COL19A1: variants seen among roughly 807,000 people sequenced by gnomAD.
The protein encoded by COL19A1 is collagen type XIX alpha 1 chain.
COL19A1 carries 159 observed loss-of-function variants against 190.2 expected under a neutral mutation model. The observed-to-expected ratio is 0.84, with a 90% CI of 0.73 to 0.95. COL19A1 has a LOEUF of 0.95. COL19A1 is among the 40% of genes least tolerant of loss of function. The pLI is 0.00. For synonymous variants in COL19A1, 509 were observed against 458.9 expected (o/e 1.11, Z -1.39); for missense variants, 1,418 against 1,431.9 (o/e 0.99, Z 0.16).
intron 14 of COL19A1, among the ~76,000 whole-genome samples, chr6:70,048,291 G>A (rs535312556): frequency 1.4e-3 from 213 of 152,214 alleles, no homozygotes; most frequent in African/African-American, 4.9e-3. Flanking sequence ...ATCATATAGT[G>A]TTCACATAAG....
intron 11 of COL19A1, among the ~76,000 whole-genome samples, chr6:70,000,267 A>G (rs1192240523): frequency 6.6e-6 from 1 of 152,214 alleles, no homozygotes; most frequent in African/African-American, 2.4e-5. Context: ...TCAGTCTATC[A>G]TTGATGGGCA....
At chr6:69,941,028 A>G (rs1773433678) in intron 9 of COL19A1, among the ~76,000 whole-genome samples, 1 of 152,198 alleles carries the variant, frequency 6.6e-6, no homozygotes, top group Admixed American at 6.6e-5. Context: ...TTGAAGATCG[A>G]AAGTCATTTT....
chr6:70,204,166 T>A (rs1767721820), intron 49 of COL19A1, among the ~76,000 whole-genome samples: 1 of 152,324 alleles, frequency 6.6e-6, no homozygotes, highest in East Asian at 1.9e-4. Flanking sequence ...TTGCCCATCC[T>A]GTAGACTTAT....
intron 40 of COL19A1, among the ~76,000 whole-genome samples, chr6:70,171,390 A>G (rs188611089): frequency 2.6e-5 from 4 of 152,186 alleles, no homozygotes; most frequent in Non-Finnish European, 2.9e-5. Context: ...AAAGATTTTT[A>G]AAAATAGAAA....
At chr6:70,004,430 T>C (rs1777483730) in intron 11 of COL19A1, among the ~76,000 whole-genome samples, 1 of 152,200 alleles carries the variant, frequency 6.6e-6, no homozygotes, top group African/African-American at 2.4e-5. Context: ...TCTTGCTAGG[T>C]TGAGGAAGTT....
intron 4 of COL19A1, among the ~76,000 whole-genome samples, chr6:69,912,278 G>A (rs1437923309): frequency 6.6e-6 from 1 of 152,042 alleles, no homozygotes; most frequent in East Asian, 1.9e-4. Flanking sequence ...ATCTCATTCT[G>A]ACTTGTGTAA....
intron 17 of COL19A1, among the ~76,000 whole-genome samples, chr6:70,124,161 A>T (rs1446010585): frequency 3.3e-5 from 5 of 152,144 alleles, no homozygotes; most frequent in Non-Finnish European, 7.3e-5. Context: ...CACAAGTGAA[A>T]AAAAGAATGC....
rs1011964629 is a variant in COL19A1, at chr6:69,912,187, A to C, written c.266+11849A>C. Among the ~76,000 whole-genome samples the C allele has an allele frequency of 9.9e-5, 15 of 152,246 alleles. No homozygotes were observed. The East Asian group carries it at 2.9e-3, about 29-fold the overall frequency. ...AGTACACATGCTACATTCTACACTA[A>C]GCCCTCACTAATGTCCTTCAAGTTT... On this transcript the variant is annotated intron_variant, in intron 4 of 50. Coordinates refer to ENST00000620364, the MANE Select transcript of COL19A1 (RefSeq NM_001858.6).
intron 14 of COL19A1, among the ~76,000 whole-genome samples, chr6:70,054,242 C>T (rs1780369600): frequency 1.3e-5 from 2 of 151,986 alleles, no homozygotes; most frequent in Non-Finnish European, 2.9e-5. Context: ...CCCAGCTACT[C>T]GGGAGGCTGA....
chr6:70,176,616 A>G (rs781321944), intron 42 of COL19A1, 52 bp downstream of exon 42: 1 of 1,570,708 alleles, frequency 6.4e-7, no homozygotes, highest in Middle Eastern at 1.7e-4. Context: ...TTCTATCTCC[A>G]TGATACACCT....
At chr6:70,131,981 C>T (rs1340258991) in intron 18 of COL19A1, among the ~76,000 whole-genome samples, 2 of 152,080 alleles carry the variant, frequency 1.3e-5, no homozygotes, top group African/African-American at 2.4e-5. Context: ...CTGTTCCCTC[C>T]TCTCACTCAA....
intron 15 of COL19A1, among the ~76,000 whole-genome samples, chr6:70,081,423 T>A (rs1224795647): frequency 6.6e-6 from 1 of 152,130 alleles, no homozygotes; most frequent in African/African-American, 2.4e-5. Context: ...GATGAACAAA[T>A]CTATAAAACT....
At chr6:69,998,644 CA>C (rs34860121) in intron 11 of COL19A1, among the ~76,000 whole-genome samples, 3,456 of 67,252 alleles carry the variant, frequency 0.051, 29 homozygotes, top group East Asian at 0.071. Context: ...GACTCCCTCT[CA>C]AAAAAAAAAA....
chr6:70,031,772 C>A (rs976110425), intron 12 of COL19A1, among the ~76,000 whole-genome samples: 11 of 152,126 alleles, frequency 7.2e-5, no homozygotes, highest in Non-Finnish European at 1.6e-4. Context: ...AATGTCACCA[C>A]CACACAAGGA....
intron 11 of COL19A1, among the ~76,000 whole-genome samples, chr6:69,969,435 C>T (rs1012606182): frequency 1.3e-5 from 2 of 152,004 alleles, no homozygotes; most frequent in Non-Finnish European, 2.9e-5. Flanking sequence ...TTGATCTTAT[C>T]TACGTTCATT....
chr6:69,977,232 C>T (rs573573506), intron 11 of COL19A1, among the ~76,000 whole-genome samples: 3 of 152,064 alleles, frequency 2.0e-5, no homozygotes, highest in Non-Finnish European at 2.9e-5. Flanking sequence ...ACTATGCAGC[C>T]ATAAAAAATG....
chr6:69,980,851 T>A (rs1352430103), intron 11 of COL19A1, among the ~76,000 whole-genome samples: 1 of 152,260 alleles, frequency 6.6e-6, no homozygotes, highest in East Asian at 1.9e-4. Context: ...CACCTGTTGC[T>A]GGATGTGATT....
chr6:69,987,793 G>C (rs1042995322), intron 11 of COL19A1, among the ~76,000 whole-genome samples: 4 of 152,198 alleles, frequency 2.6e-5, no homozygotes, highest in Admixed American at 1.3e-4. Context: ...TTCTCCTGGA[G>C]AGAGCCCCTA....
rs529982069 is a variant in COL19A1 at position 69,891,987 on chromosome 6, C to G, written c.92-6961C>G. Among the ~76,000 whole-genome samples the G allele has an allele frequency of 5.3e-5, 8 of 152,288 alleles. No homozygotes were observed. The South Asian group carries it at 1.7e-3, about 32-fold the overall frequency. ...TGAGGGAGTTGCATGGACTCCTTAT[C>G]ATAAGCTGAATGCTAAGTTAAAACT... On this transcript the variant is annotated intron_variant, in intron 2 of 50. Coordinates refer to ENST00000620364, the MANE Select transcript of COL19A1 (RefSeq NM_001858.6).
Sources: allele counts gnomAD v4.1 joint callset (sites outside exome capture counted in the v4.1 genomes callset), GRCh38; gene constraint gnomAD v4.1.1; transcripts MANE v1.5; gene names NCBI Gene and HGNC (gene_info 2026-07-23, HGNC 2026-07-21).